The following PCSK5 variants were observed in gnomAD, a reference collection of about 807,000 sequenced individuals.
PCSK5 encodes proprotein convertase subtilisin/kexin type 5.
Under a neutral mutation model 233.2 loss-of-function variants are expected in PCSK5, and 129 were observed. The observed-to-expected ratio is 0.55, with a 90% CI of 0.48 to 0.64. The LOEUF is 0.64. Among genes scored for constraint, PCSK5 ranks in the 30% least tolerant of loss-of-function variants. PCSK5 has a pLI of 0.00. For missense variants in PCSK5, 2,076 were observed against 2,430.1 expected, an observed-to-expected ratio of 0.85 and a Z score of 3.06; for synonymous variants, 825 against 879.2, an observed-to-expected ratio of 0.94 and a Z score of 1.09.
chr9:76,156,848 A>T (rs1391731738), intron 10 of PCSK5, among the ~76,000 whole-genome samples, 197 bp from the exon 11 acceptor site: 1 of 152,254 alleles, frequency 6.6e-6, no homozygotes, highest in East Asian at 1.9e-4. Context: ...TGGTAGTGAT[A>T]GATAGTCAAT....
chr9:76,234,339 C>T (rs1387219996), intron 22 of PCSK5, among the ~76,000 whole-genome samples: 1 of 152,108 alleles, frequency 6.6e-6, no homozygotes, highest in Non-Finnish European at 1.5e-5. Context: ...AAATCATTAC[C>T]TGGAGTCCAA....
intron 34 of PCSK5, among the ~76,000 whole-genome samples, chr9:76,333,820 A>ATGC (rs1829601076): frequency 6.6e-6 from 1 of 152,186 alleles, no homozygotes; most frequent in African/African-American, 2.4e-5. Flanking sequence ...TTAGTGCTAT[A>ATGC]TGCTGCCTTG....
At chr9:76,154,177 A>G (rs1823786866) in intron 10 of PCSK5, among the ~76,000 whole-genome samples, 1 of 152,162 alleles carries the variant, frequency 6.6e-6, no homozygotes, top group Non-Finnish European at 1.5e-5. Context: ...TTATATTAGT[A>G]TGAAGTTTTT....
chr9:76,103,034 A>G (rs1465439369), intron 8 of PCSK5, among the ~76,000 whole-genome samples: 2 of 152,210 alleles, frequency 1.3e-5, no homozygotes, highest in East Asian at 3.8e-4. Context: ...TTTTAGCAAC[A>G]CGAGAGTGGG....
intron 1 of PCSK5, among the ~76,000 whole-genome samples, chr9:75,901,666 G>A (rs182192022): frequency 6.6e-6 from 1 of 151,330 alleles, no homozygotes; most frequent in East Asian, 1.9e-4. Flanking sequence ...CCTGTGGCAA[G>A]TTGGAGCAGC....
intron 12 of PCSK5, 55 bp downstream of exon 12, chr9:76,159,226 TC>T: frequency 6.6e-7 from 1 of 1,516,594 alleles, no homozygotes; most frequent in Non-Finnish European, 9.1e-7. Context: ...ACTCGGCTAT[TC>T]CTTAGGTAGA....
intron 20 of PCSK5, among the ~76,000 whole-genome samples, chr9:76,213,844 C>G (rs749700033): frequency 1.3e-5 from 2 of 152,116 alleles, no homozygotes; most frequent in Non-Finnish European, 1.5e-5. Context: ...TACCTTCAAC[C>G]CTTTGCTTTC....
chr9:76,298,194 C>G (rs1252070219), intron 27 of PCSK5, among the ~76,000 whole-genome samples: 4 of 151,978 alleles, frequency 2.6e-5, no homozygotes, highest in African/African-American at 9.7e-5. Context: ...GGCTTGATTC[C>G]CCAAATGATT....
At chr9:76,199,230 A>G (rs922102082) in intron 20 of PCSK5, among the ~76,000 whole-genome samples, 1 of 152,174 alleles carries the variant, frequency 6.6e-6, no homozygotes, top group African/African-American at 2.4e-5. Context: ...GGGATGGCTT[A>G]TTGCTTCTAG....
At position 76,057,640 on chromosome 9, in the gene PCSK5, T is replaced by C. The variant is rs1233027159; in HGVS notation, c.633-10315T>C. On this transcript the variant is annotated intron_variant, in intron 5 of 37. Transcript: ENST00000674117. The stretch of plus-strand genomic sequence containing the variant: ...TTATAAGAAGCCCTTTATAAGGAAA[T>C]AGTCACTATATTATTCACTCAGGAA... Among the ~76,000 whole-genome samples, 6 of 152,102 alleles carry C rather than the reference T, an allele frequency of 3.9e-5. No individual in the cohort carries two copies. In the East Asian group the frequency reaches 5.8e-4, roughly 15 times the overall value.
At chr9:76,256,943 C>T (rs1461422435) in intron 24 of PCSK5, among the ~76,000 whole-genome samples, 1 of 152,168 alleles carries the variant, frequency 6.6e-6, no homozygotes, top group Non-Finnish European at 1.5e-5. Context: ...CTAATAGGTC[C>T]CTAGAGATTA....
chr9:76,167,423 G>A (rs1318922635), intron 12 of PCSK5, among the ~76,000 whole-genome samples: 1 of 152,124 alleles, frequency 6.6e-6, no homozygotes, highest in East Asian at 1.9e-4. Context: ...TTTTGACCAT[G>A]GGAGACCTGA....
chr9:76,145,475 C>G lies in PCSK5; in HGVS notation c.1312+11263C>G, dbSNP rs575615482. On this transcript the variant is annotated intron_variant, in intron 10 of 37. Transcript: ENST00000674117. ...ACCTGTCTTGTGAAAATACCACCTC[C>G]CCCCCAGCTCATTTTTTCTACCAAG... is the stretch of plus-strand genomic sequence containing the variant. Among the ~76,000 whole-genome samples, 25 of 152,148 alleles carry G rather than the reference C, an allele frequency of 1.6e-4. No individual in the cohort carries two copies. The South Asian group carries it at 4.8e-3, about 29-fold the overall frequency.
chr9:75,918,325 A>G (rs1823096218), intron 1 of PCSK5, among the ~76,000 whole-genome samples: 1 of 152,088 alleles, frequency 6.6e-6, no homozygotes, highest in Non-Finnish European at 1.5e-5. Flanking sequence ...CCTCCTTCTC[A>G]CCTCTTGGAT....
At chr9:76,319,803 C>T (rs1183804337) in intron 30 of PCSK5, among the ~76,000 whole-genome samples, 1 of 152,204 alleles carries the variant, frequency 6.6e-6, no homozygotes, top group East Asian at 1.9e-4. Context: ...TCCTCCTGCA[C>T]TCCTGGTTCC....
At chr9:76,341,774 C>A (rs1390143) in intron 35 of PCSK5, among the ~76,000 whole-genome samples, 29,708 of 152,136 alleles carry the variant, frequency 0.2, 3,766 homozygotes, top group Non-Finnish European at 0.28. Context: ...CAGTCCAGAA[C>A]AAGATGTTCC....
chr9:76,030,523 T>G (rs998398477), intron 5 of PCSK5, among the ~76,000 whole-genome samples: 4 of 152,228 alleles, frequency 2.6e-5, no homozygotes, highest in African/African-American at 4.8e-5. Flanking sequence ...TGACATGTAT[T>G]GAGACATATC....
chr9:76,257,065 C>T (rs895751392), intron 24 of PCSK5, among the ~76,000 whole-genome samples: 12 of 152,168 alleles, frequency 7.9e-5, no homozygotes, highest in Admixed American at 2.0e-4. Context: ...CTACGTTCAC[C>T]CTTTTTCTGA....
At chr9:76,159,451 C>T (rs2131818849) in intron 12 of PCSK5, among the ~76,000 whole-genome samples, 1 of 152,348 alleles carries the variant, frequency 6.6e-6, no homozygotes, top group South Asian at 2.1e-4. Context: ...AGAGCACTAA[C>T]TCGTAAGGCC....
Sources: gnomAD v4.1 joint callset for allele counts (sites outside exome capture counted in the v4.1 genomes callset) on GRCh38, gnomAD v4.1.1 for gene constraint, MANE v1.5 for transcripts, NCBI Gene and HGNC (gene_info 2026-07-23, HGNC 2026-07-21) for gene names.